The following SMIM35 variants were observed in gnomAD, a reference collection of about 807,000 sequenced individuals.
SMIM35 encodes TMPRSS4 antisense RNA 1 (non-protein coding).
At chr11:118,010,784 C>A (rs1254002914) in intron 4 of SMIM35, among the ~76,000 whole-genome samples, 1 of 152,194 alleles carries the variant, frequency 6.6e-6, no homozygotes, top group African/African-American at 2.4e-5. Flanking sequence ...GAACCCGGAC[C>A]AGCCAGCCCT....
chr11:118,076,619 G>T (rs981415716), intron 1 of SMIM35, among the ~76,000 whole-genome samples: 2 of 152,100 alleles, frequency 1.3e-5, no homozygotes, highest in African/African-American at 4.8e-5. Flanking sequence ...TCACTTCTGG[G>T]ATCCAGGGAA....
chr11:118,018,087 C>A (rs1010637863), intron 1 of SMIM35, among the ~76,000 whole-genome samples: 1 of 152,052 alleles, frequency 6.6e-6, no homozygotes, highest in Admixed American at 6.6e-5. Flanking sequence ...AATGTCTAGG[C>A]AGAGGGAGCA....
chr11:118,075,337 T>C (rs1208338791), intron 1 of SMIM35, among the ~76,000 whole-genome samples: 1 of 152,248 alleles, frequency 6.6e-6, no homozygotes, highest in Admixed American at 6.5e-5. Context: ...AGATCTCTGC[T>C]GCTCAGAGAC....
chr11:118,011,736 G>T (rs891697246), intron 4 of SMIM35, among the ~76,000 whole-genome samples: 2 of 152,102 alleles, frequency 1.3e-5, no homozygotes, highest in Non-Finnish European at 2.9e-5. Flanking sequence ...AAACCTCAGG[G>T]GTTAGGAAAG....
chr11:118,068,697 C>T (rs545035279), intron 1 of SMIM35, among the ~76,000 whole-genome samples: 1 of 152,270 alleles, frequency 6.6e-6, no homozygotes, highest in African/African-American at 2.4e-5. Flanking sequence ...AACCTCACAG[C>T]GCTGTTTCCT....
At position 118,036,134 on chromosome 11, in the gene SMIM35, G is replaced by A. The variant is rs143833319; in HGVS notation, c.8-20325C>T. ...ACTCCTGACCTCAAGTGATCCACCC[G>A]CCTCGGCCTCCCAAAGTGCTGGGAT... On this transcript the variant is annotated intron_variant, in intron 1 of 4. Coordinates refer to ENST00000689828, the MANE Select transcript of SMIM35 (RefSeq NM_001394165.1). Among the ~76,000 whole-genome samples the A allele has an allele frequency of 5.2e-3, 795 of 152,272 alleles. 11 individuals carry two copies. Among genetic ancestry groups the A allele is most frequent in the South Asian group, 5.6e-3 (27 of 4,824 alleles).
At chr11:118,030,710 G>A (rs2058311733) in intron 1 of SMIM35, among the ~76,000 whole-genome samples, 1 of 152,052 alleles carries the variant, frequency 6.6e-6, no homozygotes, top group Non-Finnish European at 1.5e-5. Flanking sequence ...TGAGCAGGAA[G>A]AGGAAGGCAT....
At chr11:118,077,426 A>G (rs975862641) in intron 1 of SMIM35, 2 of 1,244,598 alleles carry the variant, frequency 1.6e-6, no homozygotes, top group African/African-American at 3.1e-5. Context: ...GGTTAAAAAA[A>G]GAGGCCACAC....
intron 1 of SMIM35, among the ~76,000 whole-genome samples, chr11:118,057,116 G>C (rs1223255992): frequency 6.6e-6 from 1 of 152,204 alleles, no homozygotes; most frequent in Admixed American, 6.5e-5. Flanking sequence ...GGGAGATGTG[G>C]GCATAGCTAC....
At chr11:118,064,335 C>T (rs1591307195) in intron 1 of SMIM35, among the ~76,000 whole-genome samples, 2 of 152,170 alleles carry the variant, frequency 1.3e-5, no homozygotes, top group Admixed American at 1.3e-4. Context: ...CACCAATCTG[C>T]CATTGATTTC....
chr11:118,077,692 G>A lies in SMIM35; in HGVS notation c.7+9059C>T, dbSNP rs550341695. On this transcript the variant is annotated intron_variant, in intron 1 of 4. Coordinates refer to ENST00000689828, the MANE Select transcript of SMIM35 (RefSeq NM_001394165.1). ...CCACGGTTGCCCTCTGCCACTCCCT[G>A]GGGAAACTGATTCCTTTTCTTTTTA... 1.2e-4 allele frequency among the ~76,000 whole-genome samples: 18 copies of A among 152,134 alleles called. 1 individual carries two copies. Among genetic ancestry groups the A allele is most frequent in the Admixed American group, 2.0e-4 (3 of 15,272 alleles).
At chr11:118,072,864 C>A (rs1184257895) in intron 1 of SMIM35, among the ~76,000 whole-genome samples, 2 of 152,210 alleles carry the variant, frequency 1.3e-5, no homozygotes, top group African/African-American at 4.8e-5. Context: ...GATAACAGTG[C>A]CATTTACAAC....
chr11:118,080,359 C>T (rs545336357), intron 1 of SMIM35, among the ~76,000 whole-genome samples: 1 of 152,262 alleles, frequency 6.6e-6, no homozygotes, highest in African/African-American at 2.4e-5. Context: ...ATAGGGACAA[C>T]AGGCTCTCGC....
intron 1 of SMIM35, among the ~76,000 whole-genome samples, chr11:118,061,195 A>G (rs1944390328): frequency 6.6e-6 from 1 of 152,268 alleles, no homozygotes; most frequent in Admixed American, 6.5e-5. Context: ...CAAGCCCAGC[A>G]TCATTTTCAA....
chr11:118,058,685 A>G (rs1944351809), intron 1 of SMIM35, among the ~76,000 whole-genome samples: 1 of 152,104 alleles, frequency 6.6e-6, no homozygotes, highest in South Asian at 2.1e-4. Flanking sequence ...AACCCAGGGC[A>G]CCCATCTGGA....
At chr11:118,064,583 T>C (rs1944440577) in intron 1 of SMIM35, among the ~76,000 whole-genome samples, 1 of 152,136 alleles carries the variant, frequency 6.6e-6, no homozygotes, top group African/African-American at 2.4e-5. Flanking sequence ...CGTGCCTGGC[T>C]TTTGTTATTG....
intron 1 of SMIM35, among the ~76,000 whole-genome samples, chr11:118,030,796 G>T (rs1384135673): frequency 1.3e-5 from 2 of 152,064 alleles, no homozygotes; most frequent in African/African-American, 4.8e-5. Flanking sequence ...GGATAGCCTG[G>T]TATGTGGAGT....
At chr11:118,036,422 A>C (rs539113491) in intron 1 of SMIM35, among the ~76,000 whole-genome samples, 32 of 152,338 alleles carry the variant, frequency 2.1e-4, no homozygotes, top group African/African-American at 6.5e-4. Flanking sequence ...CCATTTTTTT[A>C]AGTTACCTTT....
intron 1 of SMIM35, among the ~76,000 whole-genome samples, chr11:118,057,522 C>G (rs1400593105): frequency 6.6e-6 from 1 of 152,154 alleles, no homozygotes; most frequent in African/African-American, 2.4e-5. Context: ...GCGCTGGAGG[C>G]AGTGCCGTTG....
Sources: allele counts gnomAD v4.1 joint callset (sites outside exome capture counted in the v4.1 genomes callset), GRCh38; gene constraint gnomAD v4.1.1; transcripts MANE v1.5; gene names NCBI Gene and HGNC (gene_info 2026-07-23, HGNC 2026-07-21).